The following PLA2G10 variants were observed in gnomAD, a reference collection of about 807,000 sequenced individuals.
The protein encoded by PLA2G10 is group 10 secretory phospholipase A2.
PLA2G10 carries 9 observed loss-of-function variants against 7.9 expected under a neutral mutation model. The observed-to-expected ratio is 1.14, with a 90% CI of 0.68 to 1.98. The LOEUF (loss-of-function observed/expected upper bound fraction) is 1.98, where lower values mean the gene tolerates loss of function less well. Among genes scored for constraint, PLA2G10 ranks in the 30% most tolerant of loss-of-function variants. PLA2G10 has a pLI of 0.00. For missense variants in PLA2G10, 53 were observed against 65.4 expected (o/e 0.81, Z 0.66); for synonymous variants, 19 against 27.5 (o/e 0.69, Z 0.97).
intron 3 of PLA2G10, among the ~76,000 whole-genome samples, chr16:14,674,624 C>T (rs558983945): frequency 6.6e-6 from 1 of 152,014 alleles, no homozygotes; most frequent in Non-Finnish European, 1.5e-5. Flanking sequence ...TCACTTAAAC[C>T]TGGGGGGCAG....
chr16:14,674,717 A>G (rs1377225831), intron 3 of PLA2G10, among the ~76,000 whole-genome samples: 2 of 152,032 alleles, frequency 1.3e-5, no homozygotes, highest in African/African-American at 4.8e-5. Context: ...AAAGAAAAGA[A>G]GAAAAAATCT....
At chr16:14,687,153 C>T (rs1961102006) in intron 3 of PLA2G10, among the ~76,000 whole-genome samples, 1 of 150,492 alleles carries the variant, frequency 6.6e-6, no homozygotes. Context: ...ACAAAAAAAC[C>T]CACACTCCAA....
At chr16:14,686,159 A>G (rs2151854860) in intron 3 of PLA2G10, among the ~76,000 whole-genome samples, 1 of 151,392 alleles carries the variant, frequency 6.6e-6, no homozygotes, top group South Asian at 2.1e-4. Context: ...ACACCGTGCT[A>G]GTTTTCATAT....
intron 3 of PLA2G10, among the ~76,000 whole-genome samples, chr16:14,682,648 AG>A (rs754579782): frequency 9.8e-5 from 15 of 152,346 alleles, no homozygotes; most frequent in Non-Finnish European, 1.8e-4. Context: ...GAGCAGACCA[AG>A]TCAGCAGAAC....
At chr16:14,678,433 T>C (rs1219763160) in intron 3 of PLA2G10, among the ~76,000 whole-genome samples, 2 of 152,088 alleles carry the variant, frequency 1.3e-5, no homozygotes, top group African/African-American at 4.8e-5. Flanking sequence ...CCTTTCCCTC[T>C]CCTGGGTTTG....
chr16:14,684,081 C>T (rs373650236), intron 3 of PLA2G10, among the ~76,000 whole-genome samples: 10 of 152,026 alleles, frequency 6.6e-5, no homozygotes, highest in Admixed American at 2.0e-4. Flanking sequence ...TTAAAAATGG[C>T]GGGGCGTGGT....
At chr16:14,673,498 T>C (rs920189630) in intron 3 of PLA2G10, among the ~76,000 whole-genome samples, 6 of 151,948 alleles carry the variant, frequency 3.9e-5, no homozygotes, top group Admixed American at 3.9e-4. Context: ...CAGCCTCCCA[T>C]GTGGCTGGGA....
In PLA2G10 at chr16:14,676,751, T is replaced by C. The variant is rs565645528; in HGVS notation, c.356-4002A>G. 2.8e-4 allele frequency among the ~76,000 whole-genome samples: 43 copies of C among 152,270 alleles called. 1 individual carries two copies. In the South Asian group the frequency reaches 8.7e-3, roughly 31 times the overall value. On this transcript the variant is annotated intron_variant, in intron 3 of 3. Coordinates refer to ENST00000438167, the MANE Select transcript of PLA2G10 (RefSeq NM_003561.3). Reference sequence around the variant, plus strand: ...TACTTAGCCATAAAAAAGAACAAAATGTTTTCTGCAGCAACTTGGATGAAG... The same window carrying C: ...TACTTAGCCATAAAAAAGAACAAAACGTTTTCTGCAGCAACTTGGATGAAG...
At chr16:14,684,337 C>CAAAA (rs71373100) in intron 3 of PLA2G10, among the ~76,000 whole-genome samples, 3 of 39,752 alleles carry the variant, frequency 7.5e-5, no homozygotes, top group African/African-American at 1.1e-4. Context: ...GACTCCATCT[C>CAAAA]AAAAAAAAAA....
chr16:14,678,689 G>A (rs1449618531), intron 3 of PLA2G10: 1 of 395,834 alleles, frequency 2.5e-6, no homozygotes, highest in Non-Finnish European at 5.1e-6. Flanking sequence ...AGGATCGCTT[G>A]AGCCCAAAAG....
chr16:14,681,627 T>C (rs1030090689), intron 3 of PLA2G10, among the ~76,000 whole-genome samples: 1 of 151,888 alleles, frequency 6.6e-6, no homozygotes. Context: ...TTTTAATATA[T>C]TTAAGTCAGG....
chr16:14,675,560 T>C (rs993735358), intron 3 of PLA2G10, among the ~76,000 whole-genome samples: 8 of 152,096 alleles, frequency 5.3e-5, no homozygotes, highest in African/African-American at 1.9e-4. Flanking sequence ...AGAAAATATT[T>C]GCAAACTACA....
At chr16:14,676,979 A>AG (rs1227836454) in intron 3 of PLA2G10, among the ~76,000 whole-genome samples, 1 of 152,098 alleles carries the variant, frequency 6.6e-6, no homozygotes, top group African/African-American at 2.4e-5. Flanking sequence ...TGAGGTGGGG[A>AG]GGGATAAAAA....
At chr16:14,674,134 A>G (rs914764343) in intron 3 of PLA2G10, among the ~76,000 whole-genome samples, 2 of 152,150 alleles carry the variant, frequency 1.3e-5, no homozygotes, top group Admixed American at 6.6e-5. Context: ...CTGGAAAAAA[A>G]AAAAGGAAAA....
At chr16:14,679,479 G>A (rs181715247) in intron 3 of PLA2G10, among the ~76,000 whole-genome samples, 1 of 152,070 alleles carries the variant, frequency 6.6e-6, no homozygotes, top group South Asian at 2.1e-4. Context: ...GGCCAACATA[G>A]AGAAAACCCA....
intron 3 of PLA2G10, among the ~76,000 whole-genome samples, chr16:14,683,726 G>T (rs1306730960): frequency 2.0e-5 from 3 of 152,114 alleles, no homozygotes; most frequent in African/African-American, 7.2e-5. Flanking sequence ...CCTATTAGAA[G>T]AAAACTTAAC....
chr16:14,683,629 T>C (rs890528570), intron 3 of PLA2G10, among the ~76,000 whole-genome samples: 4 of 152,148 alleles, frequency 2.6e-5, no homozygotes, highest in African/African-American at 9.7e-5. Context: ...TGCAAAAGAA[T>C]AAAGTTCAAC....
chr16:14,674,898 G>A (rs557576863), intron 3 of PLA2G10, among the ~76,000 whole-genome samples: 74 of 152,100 alleles, frequency 4.9e-4, no homozygotes, highest in African/African-American at 1.6e-3. Context: ...AAGGCCAGGC[G>A]TAGTGGCTCA....
intron 3 of PLA2G10, among the ~76,000 whole-genome samples, chr16:14,681,264 A>G (rs190241188): frequency 1.3e-5 from 2 of 152,160 alleles, no homozygotes; most frequent in African/African-American, 4.8e-5. Flanking sequence ...ACAATCTCCA[A>G]TGCTCACACA....
Sources: gnomAD v4.1 joint callset for allele counts (sites outside exome capture counted in the v4.1 genomes callset) on GRCh38, gnomAD v4.1.1 for gene constraint, MANE v1.5 for transcripts, NCBI Gene and HGNC (gene_info 2026-07-23, HGNC 2026-07-21) for gene names.